The following HAO1 variants were observed in gnomAD, a reference collection of about 807,000 sequenced individuals.
HAO1 encodes 2-Hydroxyacid oxidase 1.
Under a neutral mutation model 39.7 loss-of-function variants are expected in HAO1, and 34 were observed. The observed-to-expected ratio is 0.86, with a 90% confidence interval of 0.65 to 1.14. The LOEUF (loss-of-function observed/expected upper bound fraction) is 1.14, where lower values mean the gene tolerates loss of function less well. Ranked by LOEUF, HAO1 falls within the 50% of genes most tolerant of loss-of-function variation. The probability of loss-of-function intolerance (pLI) is 0.00; values close to 1 mark genes in which losing one functional copy is unlikely to be tolerated. For missense variants in HAO1, 479 were observed against 464.5 expected (o/e 1.03, Z -0.29); for synonymous variants, 172 against 173.2 (o/e 0.99, Z 0.05).
At chr20:7,886,560 TAA>T (rs149598277) in intron 5 of HAO1, among the ~76,000 whole-genome samples, 1 of 152,330 alleles carries the variant, frequency 6.6e-6, no homozygotes, top group African/African-American at 2.4e-5. Flanking sequence ...AAGCAGTGTG[TAA>T]AATGCAAACA....
chr20:7,909,367 ATATATATATATG>A (rs1163733611), intron 3 of HAO1, among the ~76,000 whole-genome samples: 16 of 97,372 alleles, frequency 1.6e-4, no homozygotes, highest in African/African-American at 8.0e-4. Flanking sequence ...TGACATATAT[ATATATATATATG>A]TATATATATA....
At chr20:7,893,129 C>A (rs2050181681) in intron 5 of HAO1, among the ~76,000 whole-genome samples, 2 of 152,172 alleles carry the variant, frequency 1.3e-5, no homozygotes, top group South Asian at 4.1e-4. Context: ...AGTCAAGGAT[C>A]TCCTTCCTTA....
chr20:7,909,793 C>CA (rs1039605067), intron 3 of HAO1, among the ~76,000 whole-genome samples: 2 of 151,676 alleles, frequency 1.3e-5, no homozygotes, highest in African/African-American at 4.8e-5. Context: ...TCTTGGGAAA[C>CA]AAAAAAATAA....
intron 1 of HAO1, 69 bp downstream of exon 1, chr20:7,940,217 A>C: frequency 2.1e-5 from 27 of 1,271,448 alleles, no homozygotes; most frequent in Non-Finnish European, 2.7e-5. Context: ...ACGTAAAACT[A>C]GGAGATCTTA....
At chr20:7,920,410 A>AT (rs143982776) in intron 2 of HAO1, among the ~76,000 whole-genome samples, 2,381 of 152,126 alleles carry the variant, frequency 0.016, 36 homozygotes, top group Non-Finnish European at 0.024. Flanking sequence ...CCAACTTACC[A>AT]TTTTTTTGTA....
chr20:7,907,309 T>A (rs2223274), intron 3 of HAO1, among the ~76,000 whole-genome samples: 14 of 151,994 alleles, frequency 9.2e-5, no homozygotes, highest in African/African-American at 3.1e-4. Flanking sequence ...TGAGTCACAA[T>A]CCACACAGCA....
intron 5 of HAO1, among the ~76,000 whole-genome samples, 193 bp downstream of exon 5, chr20:7,894,940 A>G (rs2050189807): frequency 6.6e-6 from 1 of 152,230 alleles, no homozygotes; most frequent in Admixed American, 6.5e-5. Flanking sequence ...TGGGCTAATT[A>G]AACATAAATA....
At chr20:7,899,375 C>T (rs982458409) in intron 4 of HAO1, among the ~76,000 whole-genome samples, 3 of 152,052 alleles carry the variant, frequency 2.0e-5, no homozygotes, top group Admixed American at 2.0e-4. Flanking sequence ...TCTGATGGTG[C>T]AGGGAATATA....
chr20:7,894,248 T>C (rs1053383425), intron 5 of HAO1, among the ~76,000 whole-genome samples: 1 of 152,188 alleles, frequency 6.6e-6, no homozygotes, highest in Non-Finnish European at 1.5e-5. Context: ...TCTTAAAATC[T>C]GCCCTAAGTG....
At chr20:7,883,798 G>A in intron 7 of HAO1, 135 bp from the exon 8 acceptor site, 2 of 726,208 alleles carry the variant, frequency 2.8e-6, no homozygotes, top group South Asian at 1.5e-5. Flanking sequence ...ATCTTATGTG[G>A]CATGAGACCA....
chr20:7,924,885 C>T (rs936665807), intron 2 of HAO1, among the ~76,000 whole-genome samples: 3 of 152,042 alleles, frequency 2.0e-5, no homozygotes, highest in East Asian at 1.9e-4. Context: ...GTTGAGAAAA[C>T]GCATTTTGTC....
chr20:7,905,541 A>G (rs1478179537), intron 4 of HAO1, among the ~76,000 whole-genome samples: 2 of 152,198 alleles, frequency 1.3e-5, no homozygotes, highest in African/African-American at 4.8e-5. Context: ...TTACACTCCA[A>G]AATTATTATA....
chr20:7,923,950 A>C (rs1471082154), intron 2 of HAO1, among the ~76,000 whole-genome samples: 1 of 152,162 alleles, frequency 6.6e-6, no homozygotes, highest in African/African-American at 2.4e-5. Flanking sequence ...AATATGGAGC[A>C]ATGGCAGTGA....
intron 1 of HAO1, among the ~76,000 whole-genome samples, chr20:7,939,868 G>T (rs1313479962): frequency 1.3e-5 from 2 of 152,310 alleles, no homozygotes; most frequent in Non-Finnish European, 2.9e-5. Flanking sequence ...AAAGCCAGCA[G>T]GAAGAAAACA....
chr20:7,926,863 CTTT>C (rs34738743), intron 2 of HAO1, among the ~76,000 whole-genome samples: 1,968 of 145,950 alleles, frequency 0.013, 37 homozygotes, highest in African/African-American at 0.044. Flanking sequence ...TCTTTTAAAA[CTTT>C]TTTTTTTTTT....
At chr20:7,893,292 T>C (rs970444993) in intron 5 of HAO1, among the ~76,000 whole-genome samples, 1 of 152,218 alleles carries the variant, frequency 6.6e-6, no homozygotes, top group Admixed American at 6.5e-5. Flanking sequence ...TGTTCATTGC[T>C]GAGTGTAGGC....
At position 7,914,438 on chromosome 20, in the gene HAO1, G is replaced by T; in HGVS notation, c.290-19C>A. On this transcript the variant is annotated intron_variant, in intron 2 of 7. Transcript: ENST00000378789. ...TGACAGGCTGAGAAAGAAAGGGGAT[G>T]ATCAAGATGGGCCTGGCATTGCTTA... 2 of 1,610,292 alleles carry T rather than the reference G, an allele frequency of 1.2e-6. No homozygotes were observed. The highest frequency in any genetic ancestry group is 1.7e-6 in the Non-Finnish European group (2 of 1,177,692).
chr20:7,908,944 T>C (rs768418105), intron 3 of HAO1, among the ~76,000 whole-genome samples: 12 of 152,070 alleles, frequency 7.9e-5, no homozygotes, highest in Non-Finnish European at 1.5e-4. Context: ...ATAATATTGT[T>C]AATAAGAAAA....
intron 2 of HAO1, among the ~76,000 whole-genome samples, chr20:7,917,427 C>T (rs2050312048): frequency 1.3e-5 from 2 of 151,668 alleles, no homozygotes; most frequent in South Asian, 4.2e-4. Context: ...CTCAGCATGG[C>T]TGAGCACTCT....
Sources: allele counts gnomAD v4.1 joint callset (sites outside exome capture counted in the v4.1 genomes callset), GRCh38; gene constraint gnomAD v4.1.1; transcripts MANE v1.5; gene names NCBI Gene and HGNC (gene_info 2026-07-23, HGNC 2026-07-21).